SPTBN1: variants seen among roughly 807,000 people sequenced by gnomAD.
The protein encoded by SPTBN1 is spectrin beta, non-erythrocytic 1.
In SPTBN1, 32 loss-of-function variants were observed where a neutral mutation model predicts 266.4. That is an observed-to-expected ratio of 0.12 (90% confidence interval 0.09 to 0.16). The LOEUF (loss-of-function observed/expected upper bound fraction) is 0.16, where lower values mean the gene tolerates loss of function less well. Among genes scored for constraint, SPTBN1 ranks in the 10% least tolerant of loss-of-function variants. SPTBN1 has a pLI of 1.00. For missense variants in SPTBN1, 2,296 were observed against 3,067.1 expected (o/e 0.75, Z 5.94); for synonymous variants, 1,336 against 1,162.2 (o/e 1.15, Z -3.04).
intron 12 of SPTBN1, 114 bp from the exon 13 acceptor site, chr2:54,627,983 A>T: frequency 7.8e-7 from 1 of 1,276,666 alleles, no homozygotes; most frequent in Non-Finnish European, 1.1e-6. Context: ...GGTCCATGGC[A>T]GACTAGAGGG....
In SPTBN1 at chr2:54,668,716, G is replaced by GC. The variant is rs1681552307; in HGVS notation, c.*147_*148insC. The GC allele has an allele frequency of 2.9e-6, 2 of 684,866 alleles. No homozygotes were observed. Among genetic ancestry groups the GC allele is most frequent in the African/African-American group, 3.8e-5 (2 of 53,190 alleles). The allele number at this position is 684,866 out of a possible 1,614,324, so 42.4% of individuals were successfully genotyped here. ...TTTTTAATTTATAGAGCATTTCGGG[G>GC]GGGGTGGGGGAAACACACCTAAACA... is the stretch of plus-strand genomic sequence containing the variant. On this transcript the variant is annotated 3_prime_UTR_variant, in exon 36 of 36. Transcript: ENST00000356805.
intron 1 of SPTBN1, among the ~76,000 whole-genome samples, chr2:54,469,542 T>C (rs1573212488): frequency 6.6e-6 from 1 of 152,184 alleles, no homozygotes; most frequent in African/African-American, 2.4e-5. Flanking sequence ...AGGGAAATGC[T>C]TGATGGTTAC....
Position 54,558,275 on chromosome 2 carries a change from A to G in SPTBN1, c.148+31709A>G, listed in dbSNP as rs1573408302. On this transcript the variant is annotated intron_variant, in intron 2 of 35. Coordinates refer to ENST00000356805, the MANE Select transcript of SPTBN1 (RefSeq NM_003128.3). The surrounding 1 kb of genome is among the most constrained non-coding windows in gnomAD (Gnocchi z 4.6). Reference sequence around the variant, plus strand: ...GCTCCCCCGCGCCCCTCCTCGTGGTATAGCCTGCATTTCTAATACAATGCT... The same window carrying G: ...GCTCCCCCGCGCCCCTCCTCGTGGTGTAGCCTGCATTTCTAATACAATGCT... The G allele has an allele frequency of 1.9e-5, 19 of 985,332 alleles. No homozygotes were observed. Among genetic ancestry groups the G allele is most frequent in the Non-Finnish European group, 2.3e-5 (19 of 829,944 alleles). 61.0% of individuals were successfully genotyped at this position (985,332 alleles called of 1,614,324 possible). A position where few individuals can be genotyped will look rare whatever the true frequency, so the allele number is the denominator to read the frequency against.
At chr2:54,622,209 G>C (rs1012576649) in intron 8 of SPTBN1, 91 bp from the exon 9 acceptor site, 1 of 1,394,898 alleles carries the variant, frequency 7.2e-7, no homozygotes, top group Non-Finnish European at 9.9e-7. Flanking sequence ...AAAGCCGGTC[G>C]TTTTGTGTGC....
intron 5 of SPTBN1, among the ~76,000 whole-genome samples, chr2:54,616,933 T>C (rs1228215256): frequency 6.6e-6 from 1 of 152,202 alleles, no homozygotes; most frequent in Non-Finnish European, 1.5e-5. Context: ...TAATTCAGAA[T>C]ATGAAAATCA....
chr2:54,669,133 AAC>A lies in SPTBN1; in HGVS notation c.*569_*570del, dbSNP rs1051491719. Reference sequence around the variant, plus strand: ...CCATTTGTATCTGGCATCACTTACTAACACACGACATGCGGCTTTTCTGCATC... The same window carrying A: ...CCATTTGTATCTGGCATCACTTACTAACACGACATGCGGCTTTTCTGCATC... On this transcript the variant is annotated 3_prime_UTR_variant, in exon 36 of 36. Transcript: ENST00000356805. 8 of 153,454 alleles carry A rather than the reference AAC, an allele frequency of 5.2e-5. No homozygotes were observed. Among genetic ancestry groups the A allele is most frequent in the African/African-American group, 1.9e-4 (8 of 41,548 alleles). 9.5% of individuals were successfully genotyped at this position (153,454 alleles called of 1,614,324 possible). A position where few individuals can be genotyped will look rare whatever the true frequency, so the allele number is the denominator to read the frequency against.
At chr2:54,656,790 G>C (rs918360130) in intron 29 of SPTBN1, among the ~76,000 whole-genome samples, 1 of 152,204 alleles carries the variant, frequency 6.6e-6, no homozygotes, top group Non-Finnish European at 1.5e-5. Context: ...ACCATTCTTT[G>C]CAGGAGGATT....
chr2:54,660,933 C>T, intron 32 of SPTBN1: 1 of 985,406 alleles, frequency 1.0e-6, no homozygotes, highest in Non-Finnish European at 1.2e-6. Context: ...CAGCCGATGA[C>T]TTCAGGGTGT....
intron 1 of SPTBN1, among the ~76,000 whole-genome samples, chr2:54,503,983 A>T (rs1300559398): frequency 6.6e-6 from 1 of 152,208 alleles, no homozygotes; most frequent in African/African-American, 2.4e-5. Flanking sequence ...TTGGTTTATC[A>T]CCAACTACTC....
intron 26 of SPTBN1, among the ~76,000 whole-genome samples, chr2:54,650,538 A>C (rs1321644946): frequency 2.0e-5 from 3 of 152,176 alleles, no homozygotes; most frequent in Non-Finnish European, 4.4e-5. Context: ...GTTTAGTCTT[A>C]TGCCTTTTAG....
chr2:54,633,719 G>A (rs917580704), intron 17 of SPTBN1, among the ~76,000 whole-genome samples: 5 of 152,146 alleles, frequency 3.3e-5, no homozygotes, highest in East Asian at 3.9e-4. Context: ...GCCTTCAAGT[G>A]TGTTGGAAAG....
chr2:54,661,355 T>C, intron 32 of SPTBN1: 1 of 985,862 alleles, frequency 1.0e-6, no homozygotes, highest in Non-Finnish European at 1.2e-6. Context: ...CATATTTAGA[T>C]GTGTCAGTGG....
intron 31 of SPTBN1, 75 bp downstream of exon 31, chr2:54,659,341 G>A (rs1680884572): frequency 7.0e-7 from 1 of 1,422,470 alleles, no homozygotes; most frequent in Non-Finnish European, 9.9e-7. Flanking sequence ...TCTTTCTGAA[G>A]CCTTGCATTG....
chr2:54,569,563 A>G (rs1673913092), intron 2 of SPTBN1, among the ~76,000 whole-genome samples: 1 of 152,054 alleles, frequency 6.6e-6, no homozygotes, highest in African/African-American at 2.4e-5. Context: ...TTGGCTTTTT[A>G]TTTTTTACTT....
intron 1 of SPTBN1, among the ~76,000 whole-genome samples, chr2:54,506,635 G>A (rs966622443): frequency 6.6e-6 from 1 of 152,118 alleles, no homozygotes; most frequent in Non-Finnish European, 1.5e-5. Flanking sequence ...TGTTGTCTGG[G>A]AGCTAGACAC....
At chr2:54,519,606 G>T (rs994795730) in intron 1 of SPTBN1, among the ~76,000 whole-genome samples, 1 of 152,168 alleles carries the variant, frequency 6.6e-6, no homozygotes, top group Non-Finnish European at 1.5e-5. Flanking sequence ...GATGGGCAAG[G>T]TCCTCGTGAA....
At position 54,665,180 on chromosome 2, in the gene SPTBN1, A is replaced by C. The variant is rs965440956; in HGVS notation, c.6659+489A>C. 6.6e-5 allele frequency among the ~76,000 whole-genome samples: 10 copies of C among 152,214 alleles called. 1 individual carries two copies. The highest frequency in any genetic ancestry group is 5.2e-4 in the Admixed American group (8 of 15,276). ...TTTCTGTGGAAACCTAGTAAATGGC[A>C]AAGCTGGAATATGAAACTGCAAAGC... On this transcript the variant is annotated intron_variant, in intron 33 of 35. Transcript: ENST00000356805.
rs553458972 is a variant in SPTBN1 at position 54,470,829 on chromosome 2, G to A, written c.-48+14311G>A. Among the ~76,000 whole-genome samples the A allele has an allele frequency of 1.6e-3, 240 of 152,216 alleles. 2 individuals carry two copies. The highest frequency in any genetic ancestry group is 5.1e-3 in the African/African-American group (211 of 41,534). On this transcript the variant is annotated intron_variant, in intron 1 of 35. Transcript: ENST00000356805. ...TCTCAAACCCCACACTGTTCTTTTCGCAGAGTTAATGGGGCTCATTAAATA... is the reference window on the plus strand; with the variant it reads ...TCTCAAACCCCACACTGTTCTTTTCACAGAGTTAATGGGGCTCATTAAATA...
intron 1 of SPTBN1, among the ~76,000 whole-genome samples, chr2:54,488,104 C>T (rs1330943520): frequency 2.0e-5 from 3 of 152,046 alleles, no homozygotes; most frequent in Non-Finnish European, 2.9e-5. Context: ...GCTGGGATTA[C>T]AGGCGTGAGT....
Sources: allele counts gnomAD v4.1 joint callset (sites outside exome capture counted in the v4.1 genomes callset), GRCh38; gene constraint gnomAD v4.1.1; non-coding constraint Gnocchi (gnomAD v3.1); transcripts MANE v1.5; gene names NCBI Gene and HGNC (gene_info 2026-07-23, HGNC 2026-07-21).